CPED1: variants seen among roughly 807,000 people sequenced by gnomAD.
The protein encoded by CPED1 is cadherin-like and PC-esterase domain-containing protein 1.
A neutral mutation model predicts 128.2 loss-of-function variants in CPED1; 114 were observed. The ratio of observed to expected loss-of-function variants is 0.89; its 90% CI spans 0.76 to 1.04. The LOEUF (loss-of-function observed/expected upper bound fraction) is 1.04, where lower values mean the gene tolerates loss of function less well. CPED1 is among the 50% of genes least tolerant of loss of function. The probability of loss-of-function intolerance (pLI) is 0.00; values close to 1 mark genes in which losing one functional copy is unlikely to be tolerated. For missense variants in CPED1, 1,211 were observed against 1,207.1 expected (o/e 1.00, Z -0.05); for synonymous variants, 462 against 426.7 (o/e 1.08, Z -1.02).
chr7:121,121,622 A>G, intron 7 of CPED1, among the ~76,000 whole-genome samples: 1 of 152,216 alleles, frequency 6.6e-6, no homozygotes, highest in East Asian at 1.9e-4. Context: ...ATTGAAAAAC[A>G]TTGATTGGAA....
intron 22 of CPED1, among the ~76,000 whole-genome samples, chr7:121,286,772 A>T (rs1792587649): frequency 6.6e-6 from 1 of 152,136 alleles, no homozygotes; most frequent in Admixed American, 6.5e-5. Flanking sequence ...GTGGCACTAG[A>T]TGTTCAGAGA....
At chr7:121,156,857 T>C (rs550107559) in intron 16 of CPED1, among the ~76,000 whole-genome samples, 1 of 152,310 alleles carries the variant, frequency 6.6e-6, no homozygotes, top group Admixed American at 6.5e-5. Flanking sequence ...TTGTGTTTAG[T>C]GCAATACTGT....
At chr7:121,154,735 G>C (rs181523318) in intron 16 of CPED1, among the ~76,000 whole-genome samples, 4 of 151,874 alleles carry the variant, frequency 2.6e-5, no homozygotes, top group South Asian at 2.1e-4. Context: ...TAGTAGAGAC[G>C]GGGTTTCACC....
chr7:120,994,620 TTA>T (rs1667121519), intron 2 of CPED1, among the ~76,000 whole-genome samples: 1 of 141,604 alleles, frequency 7.1e-6, no homozygotes, highest in Non-Finnish European at 1.5e-5. Flanking sequence ...AAAGTATTTG[TTA>T]TACTGTGTGT....
At chr7:121,140,767 A>G in intron 14 of CPED1, 60 bp from the exon 15 acceptor site, 1 of 1,186,148 alleles carries the variant, frequency 8.4e-7, no homozygotes, top group South Asian at 1.4e-5. Context: ...ATCATATATT[A>G]TTTAAAGATA....
intron 16 of CPED1, among the ~76,000 whole-genome samples, chr7:121,183,569 G>C (rs1478523020): frequency 3.3e-5 from 5 of 152,122 alleles, no homozygotes. Context: ...AATAGACCAG[G>C]TAATAAGCAG....
chr7:121,266,849 C>A, intron 20 of CPED1, 41 bp downstream of exon 20: 1 of 1,428,548 alleles, frequency 7.0e-7, no homozygotes, highest in South Asian at 1.2e-5. Flanking sequence ...TATTCTAAGT[C>A]AAAAAAGTTA....
intron 16 of CPED1, among the ~76,000 whole-genome samples, chr7:121,199,618 A>G (rs1040997555): frequency 7.0e-5 from 10 of 142,614 alleles, no homozygotes; most frequent in Non-Finnish European, 9.0e-5. Context: ...TAGAGGTTGC[A>G]GTGATCCGAG....
Position 121,154,244 on chromosome 7 carries a change from C to CTCTTTCTA in CPED1, c.2055+12103_2055+12104insTCTTTCTA, listed in dbSNP as rs2116410919. ...TAACTCTCCAGTAAATTGCGCATCA[C>CTCTTTCTA]AGTAAAAAGGGATCTCTCTTTCTAA... On this transcript the variant is annotated intron_variant, in intron 16 of 22. Coordinates refer to ENST00000310396, the MANE Select transcript of CPED1 (RefSeq NM_024913.5). Among the ~76,000 whole-genome samples the CTCTTTCTA allele has an allele frequency of 3.3e-5, 5 of 152,284 alleles. 1 individual carries two copies. Among genetic ancestry groups the CTCTTTCTA allele is most frequent in the African/African-American group, 1.2e-4 (5 of 41,554 alleles).
At chr7:121,189,414 G>A (rs937179451) in intron 16 of CPED1, among the ~76,000 whole-genome samples, 5 of 152,008 alleles carry the variant, frequency 3.3e-5, no homozygotes, top group Non-Finnish European at 7.4e-5. Flanking sequence ...ATGGCAACAG[G>A]AGAGAGAAAG....
intron 7 of CPED1, among the ~76,000 whole-genome samples, chr7:121,114,653 A>AGTCCATGCCT (rs1795191801): frequency 6.6e-6 from 1 of 152,222 alleles, no homozygotes; most frequent in South Asian, 2.1e-4. Flanking sequence ...ATTGCAATTA[A>AGTCCATGCCT]GTCCATGCCT....
chr7:120,999,395 C>G (rs1209687875), intron 2 of CPED1, among the ~76,000 whole-genome samples: 1 of 152,126 alleles, frequency 6.6e-6, no homozygotes. Flanking sequence ...TCTCAAGTAT[C>G]TACCATAATA....
intron 13 of CPED1, among the ~76,000 whole-genome samples, chr7:121,134,594 A>G (rs1004375793): frequency 6.6e-6 from 1 of 152,072 alleles, no homozygotes; most frequent in Non-Finnish European, 1.5e-5. Flanking sequence ...ATTTTGAATG[A>G]TCTCATCACA....
At chr7:121,194,054 T>A (rs1246666903) in intron 16 of CPED1, among the ~76,000 whole-genome samples, 60 of 128,292 alleles carry the variant, frequency 4.7e-4, no homozygotes, top group South Asian at 1.3e-3. Context: ...ATATATTTTT[T>A]TTTTTTTTTT....
At position 121,256,525 on chromosome 7, in the gene CPED1, G is replaced by T. The variant is rs140329824; in HGVS notation, c.2311-9702G>T. Among the ~76,000 whole-genome samples the T allele has an allele frequency of 7.1e-3, 1,075 of 151,994 alleles. 13 individuals are homozygous for T. Among genetic ancestry groups the T allele is most frequent in the African/African-American group, 0.025 (1,031 of 41,488 alleles). ...ATACCATTTCATACCAGTCAGAATG[G>T]CTATTACTGAAAAGTCAAAAAACAA... On this transcript the variant is annotated intron_variant, in intron 18 of 22. Transcript: ENST00000310396.
At chr7:121,187,665 A>G (rs1045831398) in intron 16 of CPED1, among the ~76,000 whole-genome samples, 4 of 152,136 alleles carry the variant, frequency 2.6e-5, no homozygotes, top group Non-Finnish European at 5.9e-5. Context: ...GGTCTTTCAA[A>G]CAGCTTTAAT....
intron 22 of CPED1, among the ~76,000 whole-genome samples, chr7:121,290,895 G>C (rs1415322910): frequency 6.6e-6 from 1 of 152,100 alleles, no homozygotes; most frequent in East Asian, 1.9e-4. Context: ...TGTCCTGAAT[G>C]GTATTGCCTA....
chr7:121,029,060 A>G (rs1293064691), intron 3 of CPED1, among the ~76,000 whole-genome samples: 5 of 152,092 alleles, frequency 3.3e-5, no homozygotes, highest in African/African-American at 4.8e-5. Context: ...TATATTATAT[A>G]AATTTATTTA....
intron 21 of CPED1, among the ~76,000 whole-genome samples, chr7:121,269,841 T>C (rs143324457): frequency 1.3e-5 from 2 of 152,112 alleles, no homozygotes; most frequent in East Asian, 1.9e-4. Flanking sequence ...CTAGGTAAAT[T>C]ATAAAGAAAA....
Sources: gnomAD v4.1 joint callset for allele counts (sites outside exome capture counted in the v4.1 genomes callset) on GRCh38, gnomAD v4.1.1 for gene constraint, MANE v1.5 for transcripts, NCBI Gene and HGNC (gene_info 2026-07-23, HGNC 2026-07-21) for gene names.